Variants in ZHX2 observed in about 807,000 individuals in gnomAD.
The protein encoded by ZHX2 is zinc fingers and homeoboxes 2.
ZHX2 carries 6 observed loss-of-function variants against 21.9 expected under a neutral mutation model. That is an observed-to-expected ratio of 0.27 (90% CI 0.15 to 0.54). ZHX2 has a LOEUF of 0.54. Ranked by LOEUF, ZHX2 falls within the 20% of genes least tolerant of loss-of-function variation. The pLI is 0.95. For missense variants in ZHX2, 908 were observed against 1,090.7 expected (o/e 0.83, Z 2.36); for synonymous variants, 434 against 437.1 (o/e 0.99, Z 0.09).
chr8:122,973,060 G>A (rs180936757), intron 3 of ZHX2, among the ~76,000 whole-genome samples, 182 bp from the exon 4 acceptor site: 411 of 152,148 alleles, frequency 2.7e-3, no homozygotes, highest in African/African-American at 9.6e-3. Flanking sequence ...AAACACACTC[G>A]TTTCTTTACA....
At chr8:122,914,011 C>T (rs917815828) in intron 2 of ZHX2, among the ~76,000 whole-genome samples, 1 of 152,176 alleles carries the variant, frequency 6.6e-6, no homozygotes, top group African/African-American at 2.4e-5. Flanking sequence ...AGTAATTTTC[C>T]ACTCCCTTTG....
At chr8:122,873,067 C>A (rs1449861722) in intron 2 of ZHX2, among the ~76,000 whole-genome samples, 1 of 152,166 alleles carries the variant, frequency 6.6e-6, no homozygotes, top group Admixed American at 6.5e-5. Flanking sequence ...TCACGCACTC[C>A]CACCGGGCAT....
chr8:122,843,378 C>A (rs114790914), intron 1 of ZHX2, among the ~76,000 whole-genome samples: 3 of 152,126 alleles, frequency 2.0e-5, no homozygotes, highest in African/African-American at 7.2e-5. Flanking sequence ...CCTTGTCATC[C>A]GAGCCATGAG....
intron 2 of ZHX2, among the ~76,000 whole-genome samples, chr8:122,904,087 T>A (rs918711495): frequency 6.6e-6 from 1 of 152,130 alleles, no homozygotes; most frequent in Non-Finnish European, 1.5e-5. Flanking sequence ...TTGTTTGGCT[T>A]GGTTCGTTTT....
At chr8:122,905,637 T>G (rs559157747) in intron 2 of ZHX2, among the ~76,000 whole-genome samples, 4 of 152,300 alleles carry the variant, frequency 2.6e-5, no homozygotes, top group Middle Eastern at 3.4e-3. Context: ...AGGATGAGAA[T>G]TTTGAAAAAG....
In ZHX2 at chr8:122,913,876, A is replaced by G. The variant is rs192161421; in HGVS notation, c.-219-37416A>G. Among the ~76,000 whole-genome samples, 31 of 152,328 alleles carry G rather than the reference A, an allele frequency of 2.0e-4. No individual in the cohort carries two copies. In the East Asian group the frequency reaches 4.2e-3, roughly 21 times the overall value. Reference sequence around the variant, plus strand: ...TTGATAGAGAGGGGGATGTGTACCCATAGCCCAAGCCACCAAGTCATGGGT... The same window carrying G: ...TTGATAGAGAGGGGGATGTGTACCCGTAGCCCAAGCCACCAAGTCATGGGT... On this transcript the variant is annotated intron_variant, in intron 2 of 3. Transcript: ENST00000314393.
intron 2 of ZHX2, among the ~76,000 whole-genome samples, chr8:122,910,004 C>G (rs1266290710): frequency 2.0e-5 from 3 of 152,138 alleles, no homozygotes; most frequent in Non-Finnish European, 4.4e-5. Flanking sequence ...CTTAAACACA[C>G]CATGCCCCTG....
Position 122,951,756 on chromosome 8 carries a change from C to T in ZHX2, c.246C>T (p.Tyr82=), listed in dbSNP as rs4871331. 6.8e-3 allele frequency: 10,961 copies of T among 1,614,126 alleles called. 386 individuals carry two copies. In the Admixed American group the frequency reaches 0.085, roughly 13 times the overall value. The change falls in exon 3 of 4, where the codon TAC becomes TAT. Residue 82 remains tyrosine, a synonymous_variant. Transcript: ENST00000314393. The part of the protein sequence containing the change: ...KKLQGGYECK[Y]CPYSTQNLNE... ...TCCAAGGTGGTTATGAGTGCAAATA[C>T]TGCCCCTACTCCACGCAAAACCTGA...
chr8:122,805,450 G>A (rs770929976), intron 1 of ZHX2, among the ~76,000 whole-genome samples: 2 of 152,288 alleles, frequency 1.3e-5, no homozygotes, highest in African/African-American at 2.4e-5. Flanking sequence ...CACAGGTACC[G>A]ACAGTTAGAA....
intron 1 of ZHX2, among the ~76,000 whole-genome samples, chr8:122,838,546 A>G (rs981027817): frequency 4.0e-5 from 6 of 150,656 alleles, no homozygotes; most frequent in Non-Finnish European, 8.9e-5. Flanking sequence ...TCGATCATAT[A>G]TGAAGTCTAC....
intron 1 of ZHX2, among the ~76,000 whole-genome samples, chr8:122,804,783 C>T (rs1261696142): frequency 3.3e-5 from 5 of 152,182 alleles, no homozygotes; most frequent in African/African-American, 1.2e-4. Flanking sequence ...CTTGGGGTTA[C>T]CTGCCCATCT....
chr8:122,838,071 A>G (rs184332920), intron 1 of ZHX2, among the ~76,000 whole-genome samples: 1 of 152,320 alleles, frequency 6.6e-6, no homozygotes, highest in East Asian at 1.9e-4. Flanking sequence ...TGCATTTCTA[A>G]TAAGAGCCCC....
intron 2 of ZHX2, among the ~76,000 whole-genome samples, chr8:122,881,320 A>G (rs1393732849): frequency 1.3e-5 from 2 of 152,020 alleles, no homozygotes; most frequent in Admixed American, 1.3e-4. Context: ...TACTAATTAA[A>G]GCTCTGTTTC....
chr8:122,875,529 G>A (rs1563763885), intron 2 of ZHX2, among the ~76,000 whole-genome samples: 1 of 152,146 alleles, frequency 6.6e-6, no homozygotes, highest in South Asian at 2.1e-4. Context: ...GCACCTTGGG[G>A]CCTTCCCACA....
At chr8:122,800,747 A>T (rs1249981939) in intron 1 of ZHX2, among the ~76,000 whole-genome samples, 1 of 152,190 alleles carries the variant, frequency 6.6e-6, no homozygotes, top group East Asian at 1.9e-4. Context: ...GTATTTTCCC[A>T]AGGCGGGGGG....
chr8:122,896,192 C>G (rs1302871183), intron 2 of ZHX2, among the ~76,000 whole-genome samples: 1 of 151,796 alleles, frequency 6.6e-6, no homozygotes, highest in Non-Finnish European at 1.5e-5. Context: ...CCTGGGCTGA[C>G]TCTAGACCTT....
rs1165933257 is a variant in ZHX2 at position 122,969,430 on chromosome 8, A to G, written c.*5-3812A>G. Among the ~76,000 whole-genome samples the G allele has an allele frequency of 2.0e-5, 3 of 152,280 alleles. No individual in the cohort carries two copies. In the East Asian group the frequency reaches 5.8e-4, roughly 29 times the overall value. ...ACTGCCCCCCCCAAAAATAGACACA[A>G]GCAAACTTTATGTTTGTTACTGGAT... On this transcript the variant is annotated intron_variant, in intron 3 of 3. Transcript: ENST00000314393.
chr8:122,869,803 T>C (rs1819387894), intron 2 of ZHX2, among the ~76,000 whole-genome samples: 2 of 152,188 alleles, frequency 1.3e-5, no homozygotes, highest in Non-Finnish European at 2.9e-5. Flanking sequence ...TCTGGATGAG[T>C]TATCTAACTT....
chr8:122,896,123 G>T (rs1267137103), intron 2 of ZHX2, among the ~76,000 whole-genome samples: 1 of 152,076 alleles, frequency 6.6e-6, no homozygotes, highest in Non-Finnish European at 1.5e-5. Context: ...GACTAAAAGA[G>T]GCCAAAGGAA....
Sources: gnomAD v4.1 joint callset for allele counts (sites outside exome capture counted in the v4.1 genomes callset) on GRCh38, gnomAD v4.1.1 for gene constraint, MANE v1.5 for transcripts, NCBI Gene and HGNC (gene_info 2026-07-23, HGNC 2026-07-21) for gene names.